CYP3A4: variants seen among roughly 807,000 people sequenced by gnomAD.
The protein encoded by CYP3A4 is cytochrome P450 3A4.
Under a neutral mutation model 54.9 loss-of-function variants are expected in CYP3A4, and 41 were observed. The observed-to-expected ratio is 0.75, with a 90% CI of 0.58 to 0.97. The LOEUF is 0.97. Among genes scored for constraint, CYP3A4 ranks in the 50% least tolerant of loss-of-function variants. The pLI is 0.00. For missense variants in CYP3A4, 510 were observed against 597.3 expected (o/e 0.85, Z 1.52); for synonymous variants, 179 against 205.2 (o/e 0.87, Z 1.09).
In CYP3A4 at chr7:99,772,570, T is replaced by C; in HGVS notation, c.318+20A>G. 6.2e-7 allele frequency: 1 copy of C among 1,611,216 alleles called. No individual in the cohort carries two copies. The highest frequency in any genetic ancestry group is 8.5e-7 in the Non-Finnish European group (1 of 1,179,036). Reference sequence around the variant, plus strand: ...AAATTTAATCAATCAGTATTTTAATTTCAACACATGAATGCTTACCCTCCG... The same window carrying C: ...AAATTTAATCAATCAGTATTTTAATCTCAACACATGAATGCTTACCCTCCG... On this transcript the variant is annotated intron_variant, in intron 4 of 12. Transcript: ENST00000651514.
At chr7:99,783,109 A>G (rs1236084916) in intron 1 of CYP3A4, among the ~76,000 whole-genome samples, 1 of 152,124 alleles carries the variant, frequency 6.6e-6, no homozygotes, top group African/African-American at 2.4e-5. Flanking sequence ...TGAATTTCTA[A>G]CCTTTCTGTG....
At chr7:99,770,821 G>A (rs1034882853) in intron 4 of CYP3A4, among the ~76,000 whole-genome samples, 5 of 152,128 alleles carry the variant, frequency 3.3e-5, no homozygotes, top group Non-Finnish European at 7.4e-5. Context: ...AAAGAAAAAA[G>A]AGATAATTAT....
chr7:99,774,405 C>A (rs1398089266), intron 3 of CYP3A4, among the ~76,000 whole-genome samples: 1 of 152,132 alleles, frequency 6.6e-6, no homozygotes, highest in Non-Finnish European at 1.5e-5. Context: ...GAATTTTAGT[C>A]CAATATCCCT....
intron 4 of CYP3A4, among the ~76,000 whole-genome samples, chr7:99,771,523 A>T (rs551832930): frequency 6.6e-6 from 1 of 152,242 alleles, no homozygotes; most frequent in Non-Finnish European, 1.5e-5. Context: ...AACAGTAAAG[A>T]TACACATTTT....
intron 11 of CYP3A4, 136 bp downstream of exon 11, chr7:99,761,905 G>T: frequency 1.2e-6 from 1 of 836,742 alleles, no homozygotes; most frequent in Non-Finnish European, 1.9e-6. Context: ...TCAATTTGAT[G>T]ATTAAAAAAA....
chr7:99,766,461 A>G lies in CYP3A4; in HGVS notation c.799-18T>C. ...ACTCGGTGCTAGAAGCAAAAAGAGA[A>G]ATTTCACTGACAGAAAGTGGCTCCT... On this transcript the variant is annotated intron_variant, in intron 8 of 12. Transcript: ENST00000651514. The G allele has an allele frequency of 6.2e-7, 1 of 1,613,488 alleles. No individual in the cohort carries two copies. Among genetic ancestry groups the G allele is most frequent in the Non-Finnish European group, 8.5e-7 (1 of 1,179,572 alleles).
intron 7 of CYP3A4, 58 bp from the exon 8 acceptor site, chr7:99,767,316 T>C (rs1815501032): frequency 6.8e-7 from 1 of 1,467,762 alleles, no homozygotes; most frequent in African/African-American, 1.4e-5. Context: ...GTGCAAAATT[T>C]ACCTGGAGCA....
intron 9 of CYP3A4, among the ~76,000 whole-genome samples, chr7:99,765,810 A>G (rs1350628728): frequency 6.6e-6 from 1 of 152,198 alleles, no homozygotes; most frequent in Non-Finnish European, 1.5e-5. Flanking sequence ...GGTTTTCCCC[A>G]CAAGTTACTA....
intron 3 of CYP3A4, 129 bp downstream of exon 3, chr7:99,777,897 TTC>T (rs1178690756): frequency 1.5e-5 from 11 of 748,164 alleles, no homozygotes; most frequent in Non-Finnish European, 2.6e-5. Flanking sequence ...TTCAGAGAAC[TTC>T]TCTCTGTTTG....
chr7:99,759,745 T>C (rs1166421513), intron 12 of CYP3A4, among the ~76,000 whole-genome samples: 1 of 151,924 alleles, frequency 6.6e-6, no homozygotes, highest in East Asian at 1.9e-4. Context: ...GAGAAGTAAA[T>C]GGGCCCTGGA....
At chr7:99,760,489 A>T (rs951993003) in intron 12 of CYP3A4, among the ~76,000 whole-genome samples, 1 of 152,140 alleles carries the variant, frequency 6.6e-6, no homozygotes, top group Non-Finnish European at 1.5e-5. Flanking sequence ...AGTCACAACA[A>T]GGTAATCATT....
At chr7:99,760,486 A>G (rs1815290282) in intron 12 of CYP3A4, among the ~76,000 whole-genome samples, 1 of 149,210 alleles carries the variant, frequency 6.7e-6, no homozygotes, top group African/African-American at 2.6e-5. Flanking sequence ...AAAAGTCACA[A>G]CAAGGTAATC....
At chr7:99,773,380 T>A (rs1247321551) in intron 3 of CYP3A4, among the ~76,000 whole-genome samples, 2 of 151,918 alleles carry the variant, frequency 1.3e-5, no homozygotes, top group Non-Finnish European at 2.9e-5. Context: ...CACCCCAAAT[T>A]AACAGAATAT....
chr7:99,783,432 G>A (rs1815976354), intron 1 of CYP3A4, among the ~76,000 whole-genome samples: 1 of 151,946 alleles, frequency 6.6e-6, no homozygotes, highest in African/African-American at 2.4e-5. Context: ...TCCTCCTTGG[G>A]TCCAAACTAT....
chr7:99,772,438 A>G lies in CYP3A4; in HGVS notation c.318+152T>C, dbSNP rs1359015772. 3 of 867,336 alleles carry G rather than the reference A, an allele frequency of 3.5e-6. No individual in the cohort carries two copies. The African/African-American group carries it at 5.1e-5, about 15-fold the overall frequency. 53.7% of individuals were successfully genotyped at this position (867,336 alleles called of 1,614,324 possible). On this transcript the variant is annotated intron_variant, in intron 4 of 12. Transcript: ENST00000651514. ...AATATACTGTATTTATAGTTATGCAAGATTGCAAGATGTTACCATTCGGGG... is the reference window on the plus strand; with the variant it reads ...AATATACTGTATTTATAGTTATGCAGGATTGCAAGATGTTACCATTCGGGG...
In CYP3A4 at chr7:99,758,120, T is replaced by C. The variant is rs774680066; in HGVS notation, c.*13A>G. 3 of 1,609,018 alleles carry C rather than the reference T, an allele frequency of 1.9e-6. No homozygotes were observed. The highest frequency in any genetic ancestry group is 1.7e-4 in the Middle Eastern group (1 of 6,048). On this transcript the variant is annotated 3_prime_UTR_variant, in exon 13 of 13. Transcript: ENST00000651514. ...GATTTCTTGAAGAGCAAAGCAGAAG[T>C]CCTTAGGAAAATTCAGGCTCCACTT...
intron 12 of CYP3A4, among the ~76,000 whole-genome samples, chr7:99,758,981 G>C (rs1815250363): frequency 6.6e-6 from 1 of 152,158 alleles, no homozygotes; most frequent in Admixed American, 6.5e-5. Context: ...GATCTCCATG[G>C]AGTAATGGGC....
intron 5 of CYP3A4, 91 bp from the exon 6 acceptor site, chr7:99,769,947 A>G: frequency 6.3e-7 from 1 of 1,595,618 alleles, no homozygotes; most frequent in Non-Finnish European, 8.6e-7. Context: ...GCAGTAAGTG[A>G]CATTTTATAA....
Position 99,772,620 on chromosome 7 carries a change from T to C in CYP3A4, c.288A>G (p.Lys96=). The C allele has an allele frequency of 6.2e-7, 1 of 1,613,338 alleles. No individual in the cohort carries two copies. Among genetic ancestry groups the C allele is most frequent in the Non-Finnish European group, 8.5e-7 (1 of 1,179,504 alleles). Reference sequence around the variant, plus strand: ...GGTTTGTGAAGACAGAATAACATTCTTTCACTAGCACTGTTTTGATCATGT... The same window carrying C: ...GGTTTGTGAAGACAGAATAACATTCCTTCACTAGCACTGTTTTGATCATGT... ...DPDMIKTVLV[K]ECYSVFTNRR... Residue 96 remains lysine, a synonymous_variant, in exon 4 of 13, where the codon AAA becomes AAG. Transcript: ENST00000651514.
Sources: allele counts gnomAD v4.1 joint callset (sites outside exome capture counted in the v4.1 genomes callset), GRCh38; gene constraint gnomAD v4.1.1; transcripts MANE v1.5; gene names NCBI Gene and HGNC (gene_info 2026-07-23, HGNC 2026-07-21).